The following COL12A1 variants were observed in gnomAD, a reference collection of about 807,000 sequenced individuals.
COL12A1 encodes collagen alpha-1(XII) chain.
Under a neutral mutation model 349.7 loss-of-function variants are expected in COL12A1, and 114 were observed. The ratio of observed to expected loss-of-function variants is 0.33; its 90% CI spans 0.28 to 0.38. The LOEUF (loss-of-function observed/expected upper bound fraction) is 0.38, where lower values mean the gene tolerates loss of function less well. COL12A1 is among the 10% of genes least tolerant of loss of function. The probability of loss-of-function intolerance (pLI) is 1.00; values close to 1 mark genes in which losing one functional copy is unlikely to be tolerated. For missense variants in COL12A1, 3,284 were observed against 3,756.9 expected (o/e 0.87, Z 3.29); for synonymous variants, 1,369 against 1,329.0 (o/e 1.03, Z -0.66).
chr6:75,137,647 C>T, intron 30 of COL12A1, 68 bp from the exon 31 acceptor site: 2 of 1,522,838 alleles, frequency 1.3e-6, no homozygotes, highest in South Asian at 1.2e-5. Flanking sequence ...ATATATACAG[C>T]TCCCAAGGCA....
chr6:75,097,183 A>C, intron 59 of COL12A1, 70 bp downstream of exon 59: 1 of 1,300,316 alleles, frequency 7.7e-7, no homozygotes, highest in Non-Finnish European at 1.1e-6. Flanking sequence ...CTTCAAAGGC[A>C]GGTTACTAGC....
chr6:75,088,373 G>T (rs1767601746), intron 64 of COL12A1, among the ~76,000 whole-genome samples: 1 of 151,954 alleles, frequency 6.6e-6, no homozygotes, highest in Non-Finnish European at 1.5e-5. Context: ...CTTTTAGTGA[G>T]GCTATGTTTT....
Position 75,090,034 on chromosome 6 carries a change from A to G in COL12A1, c.8941+76T>C. 6.6e-7 allele frequency: 1 copy of G among 1,512,672 alleles called. No homozygotes were observed. Among genetic ancestry groups the G allele is most frequent in the Non-Finnish European group, 9.1e-7 (1 of 1,103,062 alleles). 93.7% of individuals were successfully genotyped at this position (1,512,672 alleles called of 1,614,324 possible). A position where few individuals can be genotyped will look rare whatever the true frequency, so the allele number is the denominator to read the frequency against. On this transcript the variant is annotated intron_variant, in intron 63 of 65. Coordinates refer to ENST00000322507, the MANE Select transcript of COL12A1 (RefSeq NM_004370.6). The surrounding 1 kb of genome is among the most constrained non-coding windows in gnomAD (Gnocchi z 4.1). ...GCAGTTTGCCTAGGTCACCTTTCAG[A>G]TGCCTTCAACCTGTCCCAACTCCTA...
rs191632300 is a variant in COL12A1 at position 75,123,815 on chromosome 6, A to G, written c.6871+133T>C. 2,865 of 966,016 alleles carry G rather than the reference A, an allele frequency of 3.0e-3. 6 individuals are homozygous for G. The highest frequency in any genetic ancestry group is 3.7e-3 in the Non-Finnish European group (2,525 of 680,242). The allele number at this position is 966,016 out of a possible 1,614,324, so 59.8% of individuals were successfully genotyped here. ...ACCAGCTTTAGACTCCACATTCAGG[A>G]ATCTGCCATCATCCCATCATTATTG... On this transcript the variant is annotated intron_variant, in intron 42 of 65. Transcript: ENST00000322507.
intron 21 of COL12A1, 75 bp from the exon 22 acceptor site, chr6:75,148,572 A>T: frequency 7.8e-7 from 1 of 1,281,532 alleles, no homozygotes; most frequent in Non-Finnish European, 1.1e-6. Context: ...TGACATTGAA[A>T]CAATATTATG....
chr6:75,107,653 T>C (rs1046047842), intron 52 of COL12A1, among the ~76,000 whole-genome samples: 3 of 152,234 alleles, frequency 2.0e-5, no homozygotes, highest in Non-Finnish European at 2.9e-5. Context: ...TATTCTACAA[T>C]TGATGCTCTT....
intron 40 of COL12A1, among the ~76,000 whole-genome samples, chr6:75,124,599 C>T (rs145898995): frequency 0.011 from 1,633 of 152,202 alleles, 25 homozygotes; most frequent in African/African-American, 0.037. Flanking sequence ...CATATAGTCC[C>T]TCTCAAAACT....
chr6:75,200,342 G>A (rs1481931250), intron 2 of COL12A1, among the ~76,000 whole-genome samples: 1 of 152,212 alleles, frequency 6.6e-6, no homozygotes, highest in Admixed American at 6.5e-5. Context: ...GGAGGCCGAG[G>A]CAGGTGAATC....
rs1767382187 is a variant in COL12A1, at chr6:75,084,441, T to C, written c.*2106A>G. On this transcript the variant is annotated 3_prime_UTR_variant, in exon 66 of 66. Coordinates refer to ENST00000322507, the MANE Select transcript of COL12A1 (RefSeq NM_004370.6). The stretch of plus-strand genomic sequence containing the variant: ...TATAAAAGCAGCAATTCTATGTTCA[T>C]AGTCTTGCAAATGTTTTCCAACTAC... The C allele has an allele frequency of 6.5e-6, 1 of 152,690 alleles. No individual in the cohort carries two copies. The allele number at this position is 152,690 out of a possible 1,614,324, so 9.5% of individuals were successfully genotyped here.
rs1767456413 is a variant in COL12A1, at chr6:75,085,716, A to G, written c.*831T>C. 1 of 219,514 alleles carries G rather than the reference A, an allele frequency of 4.6e-6. No individual in the cohort carries two copies. Among genetic ancestry groups the G allele is most frequent in the Non-Finnish European group, 9.5e-6 (1 of 105,596 alleles). 13.6% of individuals were successfully genotyped at this position (219,514 alleles called of 1,614,324 possible). ...TATGCCTTCAAACTCCTCAATTCAA[A>G]GAACAACTTGGAAAGATGAGGAGGT... On this transcript the variant is annotated 3_prime_UTR_variant, in exon 66 of 66. Transcript: ENST00000322507.
chr6:75,182,742 G>A (rs1267687007), intron 10 of COL12A1, among the ~76,000 whole-genome samples: 1 of 152,092 alleles, frequency 6.6e-6, no homozygotes, highest in African/African-American at 2.4e-5. Context: ...CCCATACATG[G>A]GATTTGGATT....
chr6:75,134,191 T>G (rs938135766), intron 32 of COL12A1, among the ~76,000 whole-genome samples, 194 bp from the exon 33 acceptor site: 1 of 152,112 alleles, frequency 6.6e-6, no homozygotes, highest in Non-Finnish European at 1.5e-5. Context: ...CACAAGACAT[T>G]TTGGTCTTAG....
intron 14 of COL12A1, among the ~76,000 whole-genome samples, chr6:75,164,665 A>G (rs944111685): frequency 2.0e-5 from 3 of 152,166 alleles, no homozygotes; most frequent in Non-Finnish European, 2.9e-5. Context: ...ACACATGCAC[A>G]GCCTCCTGCA....
intron 36 of COL12A1, 22 bp from the exon 37 acceptor site, chr6:75,130,255 G>C: frequency 6.2e-6 from 10 of 1,609,056 alleles, no homozygotes; most frequent in Non-Finnish European, 8.5e-6. Context: ...AAATACAATA[G>C]AGTTTGTTGC....
intron 54 of COL12A1, among the ~76,000 whole-genome samples, chr6:75,104,657 T>A (rs750332642): frequency 2.6e-5 from 4 of 152,232 alleles, no homozygotes; most frequent in Non-Finnish European, 5.9e-5. Context: ...TGCCTTGCAC[T>A]TTCTTGGTTT....
chr6:75,111,896 A>C (rs1768858875), intron 51 of COL12A1, among the ~76,000 whole-genome samples: 1 of 151,730 alleles, frequency 6.6e-6, no homozygotes, highest in Admixed American at 6.6e-5. Context: ...CATCCTTATC[A>C]AAAATCTGAT....
chr6:75,125,678 T>A (rs1454472231), intron 39 of COL12A1, among the ~76,000 whole-genome samples: 5 of 152,136 alleles, frequency 3.3e-5, no homozygotes, highest in African/African-American at 9.6e-5. Flanking sequence ...ATACTTTGGC[T>A]GCTAAACTCC....
At chr6:75,135,260 C>T (rs16886183) in intron 31 of COL12A1, among the ~76,000 whole-genome samples, 3,554 of 152,222 alleles carry the variant, frequency 0.023, 91 homozygotes, top group African/African-American at 0.058. Flanking sequence ...TTATTCTTAC[C>T]TTTTTAACAG....
intron 58 of COL12A1, among the ~76,000 whole-genome samples, chr6:75,097,957 C>A (rs1280966454): frequency 6.6e-6 from 1 of 152,094 alleles, no homozygotes; most frequent in African/African-American, 2.4e-5. Flanking sequence ...GATATTTTAA[C>A]CATATATTTA....
Sources: gnomAD v4.1 joint callset for allele counts (sites outside exome capture counted in the v4.1 genomes callset) on GRCh38, gnomAD v4.1.1 for gene constraint, Gnocchi (gnomAD v3.1) non-coding constraint, MANE v1.5 for transcripts, NCBI Gene and HGNC (gene_info 2026-07-23, HGNC 2026-07-21) for gene names.